BTBD9: variants seen among roughly 807,000 people sequenced by gnomAD.
The protein encoded by BTBD9 is BTB/POZ domain-containing protein 9.
A neutral mutation model predicts 64.3 loss-of-function variants in BTBD9; 49 were observed. The ratio of observed to expected loss-of-function variants is 0.76; its 90% confidence interval spans 0.61 to 0.97. The LOEUF (loss-of-function observed/expected upper bound fraction) is 0.97, where lower values mean the gene tolerates loss of function less well. BTBD9 is among the 50% of genes least tolerant of loss of function. BTBD9 has a pLI of 0.00. For missense variants in BTBD9, 598 were observed against 762.1 expected, an observed-to-expected ratio of 0.78 and a Z score of 2.53; for synonymous variants, 260 against 274.7, an observed-to-expected ratio of 0.95 and a Z score of 0.53.
chr6:38,513,110 C>T (rs1772848425), intron 6 of BTBD9, among the ~76,000 whole-genome samples: 1 of 152,140 alleles, frequency 6.6e-6, no homozygotes, highest in African/African-American at 2.4e-5. Flanking sequence ...CTAAGGTTTA[C>T]TTGGCTTACA....
chr6:38,437,552 C>T (rs1768796645), intron 6 of BTBD9, among the ~76,000 whole-genome samples: 1 of 152,016 alleles, frequency 6.6e-6, no homozygotes. Flanking sequence ...AAAAGAAAGA[C>T]ATTTTGAGAA....
intron 6 of BTBD9, among the ~76,000 whole-genome samples, chr6:38,474,520 C>T (rs143633651): frequency 0.011 from 1,679 of 151,766 alleles, 24 homozygotes; most frequent in Middle Eastern, 0.027. Context: ...GAGACTCTGT[C>T]TCAAGAAAGA....
chr6:38,427,687 T>TA, intron 6 of BTBD9, among the ~76,000 whole-genome samples: 1 of 152,028 alleles, frequency 6.6e-6, no homozygotes, highest in East Asian at 1.9e-4. Context: ...ACAATCAAGA[T>TA]AATTATAGGT....
chr6:38,397,004 T>C (rs538678921), intron 6 of BTBD9, among the ~76,000 whole-genome samples: 1 of 150,476 alleles, frequency 6.6e-6, no homozygotes, highest in Admixed American at 6.7e-5. Context: ...TGGGTTCAAG[T>C]GATTCTCAGG....
intron 7 of BTBD9, among the ~76,000 whole-genome samples, chr6:38,328,004 C>T (rs570188941): frequency 6.6e-6 from 1 of 152,216 alleles, no homozygotes; most frequent in Non-Finnish European, 1.5e-5. Flanking sequence ...CCTGCACATC[C>T]TGCCTTGTCC....
intron 9 of BTBD9, among the ~76,000 whole-genome samples, chr6:38,224,479 G>A (rs112143639): frequency 6.6e-6 from 1 of 152,162 alleles, no homozygotes; most frequent in East Asian, 1.9e-4. Flanking sequence ...GACCCTTGGG[G>A]TAAAACCAAT....
intron 1 of BTBD9, among the ~76,000 whole-genome samples, chr6:38,632,874 G>C (rs1281335930): frequency 6.6e-6 from 1 of 152,120 alleles, no homozygotes; most frequent in Non-Finnish European, 1.5e-5. Flanking sequence ...CGAGGTTATA[G>C]TGAGCTAGGA....
At chr6:38,390,380 T>C (rs545133099) in intron 6 of BTBD9, among the ~76,000 whole-genome samples, 1 of 152,274 alleles carries the variant, frequency 6.6e-6, no homozygotes, top group Non-Finnish European at 1.5e-5. Flanking sequence ...CTACCTCACC[T>C]AGCCCATGTG....
At chr6:38,582,942 T>G (rs1039941249) in intron 4 of BTBD9, among the ~76,000 whole-genome samples, 1 of 152,206 alleles carries the variant, frequency 6.6e-6, no homozygotes, top group Non-Finnish European at 1.5e-5. Context: ...CCAGGCACCA[T>G]GCAAGGTATC....
chr6:38,502,270 G>C (rs1772242573), intron 6 of BTBD9, among the ~76,000 whole-genome samples: 1 of 152,180 alleles, frequency 6.6e-6, no homozygotes, highest in Admixed American at 6.5e-5. Context: ...TACTGACATG[G>C]AATATGAATA....
intron 1 of BTBD9, among the ~76,000 whole-genome samples, chr6:38,615,215 C>T (rs1171962481): frequency 6.6e-6 from 1 of 152,226 alleles, no homozygotes; most frequent in African/African-American, 2.4e-5. Context: ...TGGGTCTAGC[C>T]AGCGCTCTTG....
At chr6:38,607,866 C>T (rs925980357) in intron 1 of BTBD9, among the ~76,000 whole-genome samples, 3 of 151,750 alleles carry the variant, frequency 2.0e-5, no homozygotes, top group Non-Finnish European at 4.4e-5. Context: ...ATTAAAACAA[C>T]CTTTCCCAAG....
intron 6 of BTBD9, among the ~76,000 whole-genome samples, chr6:38,567,277 A>T (rs2127461872): frequency 6.6e-6 from 1 of 152,346 alleles, no homozygotes; most frequent in Middle Eastern, 3.4e-3. Context: ...GTTACATTCT[A>T]ATAGCTTTAT....
At position 38,600,837 on chromosome 6, in the gene BTBD9, A is replaced by G. The variant is rs533517648; in HGVS notation, c.-27-2716T>C. ...GTATCTACCATAATAAGTTCTCCAGATCTCTACTTCTCAATACATCTAATT... is the reference window on the plus strand; with the variant it reads ...GTATCTACCATAATAAGTTCTCCAGGTCTCTACTTCTCAATACATCTAATT... On this transcript the variant is annotated intron_variant, in intron 1 of 10. Coordinates refer to ENST00000481247, the MANE Select transcript of BTBD9 (RefSeq NM_001099272.2). 2.0e-5 allele frequency among the ~76,000 whole-genome samples: 3 copies of G among 152,298 alleles called. No homozygotes were observed. The East Asian group carries it at 5.8e-4, about 29-fold the overall frequency.
intron 7 of BTBD9, among the ~76,000 whole-genome samples, chr6:38,303,840 G>GATATATATATATATATATATAT (rs70981538): frequency 1.3e-5 from 1 of 75,316 alleles, no homozygotes; most frequent in Admixed American, 1.4e-4. Context: ...TTAGTTGCTA[G>GATATATATATATATATATATAT]ATATATATAT....
intron 6 of BTBD9, among the ~76,000 whole-genome samples, chr6:38,424,466 T>C (rs1224034203): frequency 6.6e-6 from 1 of 151,986 alleles, no homozygotes; most frequent in Non-Finnish European, 1.5e-5. Context: ...TCTCTCAACC[T>C]ACTAGGTGTG....
chr6:38,602,114 G>A (rs972117458), intron 1 of BTBD9, among the ~76,000 whole-genome samples: 8 of 152,102 alleles, frequency 5.3e-5, no homozygotes, highest in South Asian at 2.1e-4. Context: ...TTATCAGGAC[G>A]TAACCATATT....
chr6:38,607,538 T>A (rs943006420), intron 1 of BTBD9, among the ~76,000 whole-genome samples: 17 of 152,156 alleles, frequency 1.1e-4, no homozygotes, highest in Admixed American at 1.1e-3. Context: ...CTTCACTTGA[T>A]TGGTTATCAG....
At chr6:38,267,587 A>G (rs1765054838) in intron 8 of BTBD9, among the ~76,000 whole-genome samples, 1 of 152,160 alleles carries the variant, frequency 6.6e-6, no homozygotes. Flanking sequence ...ACGCATGGCT[A>G]ATGACCTTGG....
Sources: allele counts gnomAD v4.1 joint callset (sites outside exome capture counted in the v4.1 genomes callset), GRCh38; gene constraint gnomAD v4.1.1; transcripts MANE v1.5; gene names NCBI Gene and HGNC (gene_info 2026-07-23, HGNC 2026-07-21).